The following COL25A1 variants were observed in gnomAD, a reference collection of about 807,000 sequenced individuals.
COL25A1 encodes the protein collagen type XXV alpha 1 chain.
Under a neutral mutation model 128.4 loss-of-function variants are expected in COL25A1, and 103 were observed. That is an observed-to-expected ratio of 0.80 (90% CI 0.68 to 0.94). COL25A1 has a LOEUF of 0.94. Ranked by LOEUF, COL25A1 falls within the 40% of genes least tolerant of loss-of-function variation. COL25A1 has a pLI of 0.00. For missense variants in COL25A1, 745 were observed against 840.0 expected, an observed-to-expected ratio of 0.89 and a Z score of 1.40; for synonymous variants, 279 against 277.2, an observed-to-expected ratio of 1.01 and a Z score of -0.06.
intron 3 of COL25A1, among the ~76,000 whole-genome samples, chr4:109,220,565 T>C (rs1560890232): frequency 6.6e-6 from 1 of 152,216 alleles, no homozygotes; most frequent in East Asian, 1.9e-4. Context: ...ATGATATGTT[T>C]AATATTGTAT....
intron 8 of COL25A1, among the ~76,000 whole-genome samples, chr4:108,973,012 C>T (rs1160262419): frequency 1.3e-5 from 2 of 152,136 alleles, no homozygotes; most frequent in African/African-American, 4.8e-5. Context: ...TGTGAACCAC[C>T]CTTCACTTCC....
chr4:108,903,509 C>T (rs770110512), intron 13 of COL25A1, among the ~76,000 whole-genome samples: 5 of 151,942 alleles, frequency 3.3e-5, no homozygotes, highest in Admixed American at 6.6e-5. Context: ...TTGTTGAATA[C>T]TCATGTTCTT....
intron 15 of COL25A1, among the ~76,000 whole-genome samples, chr4:108,897,071 T>C (rs11098008): frequency 0.53 from 81,110 of 151,942 alleles, 22,834 homozygotes; most frequent in East Asian, 0.93. Context: ...GCCTTACCAA[T>C]TCTGAGGCCT....
At chr4:109,092,375 C>T (rs900614564) in intron 3 of COL25A1, among the ~76,000 whole-genome samples, 1 of 152,068 alleles carries the variant, frequency 6.6e-6, no homozygotes, top group African/African-American at 2.4e-5. Flanking sequence ...GTCCCAGCTA[C>T]CTGGGAGGCT....
intron 22 of COL25A1, 66 bp from the exon 23 acceptor site, chr4:108,861,037 A>T: frequency 7.3e-7 from 1 of 1,378,648 alleles, no homozygotes. Flanking sequence ...TCGTGTAAGA[A>T]CATGTTTATG....
chr4:108,950,071 C>T (rs1021853894), intron 8 of COL25A1, among the ~76,000 whole-genome samples: 4 of 152,116 alleles, frequency 2.6e-5, no homozygotes, highest in African/African-American at 9.7e-5. Flanking sequence ...AACATTTATC[C>T]ACGCTCTTTT....
intron 3 of COL25A1, among the ~76,000 whole-genome samples, chr4:109,265,368 T>C (rs1232403603): frequency 6.6e-6 from 1 of 152,194 alleles, no homozygotes; most frequent in African/African-American, 2.4e-5. Context: ...ACAGCATTAC[T>C]TCCTCCAAAC....
At chr4:108,866,781 A>G (rs1386846967) in intron 20 of COL25A1, among the ~76,000 whole-genome samples, 1 of 152,208 alleles carries the variant, frequency 6.6e-6, no homozygotes, top group Non-Finnish European at 1.5e-5. Context: ...GATACTTAAC[A>G]TATGTGGATT....
At chr4:109,173,501 T>C (rs1773784723) in intron 3 of COL25A1, among the ~76,000 whole-genome samples, 1 of 152,210 alleles carries the variant, frequency 6.6e-6, no homozygotes, top group Non-Finnish European at 1.5e-5. Context: ...TAAAATTTTA[T>C]GGTATATAAG....
intron 3 of COL25A1, among the ~76,000 whole-genome samples, chr4:109,291,198 C>A (rs1164535333): frequency 2.0e-5 from 3 of 152,096 alleles, no homozygotes; most frequent in African/African-American, 7.2e-5. Context: ...AGTGGGCATT[C>A]ATTTCAATGC....
chr4:109,251,325 T>C (rs1026745885), intron 3 of COL25A1, among the ~76,000 whole-genome samples: 1 of 152,240 alleles, frequency 6.6e-6, no homozygotes, highest in African/African-American at 2.4e-5. Flanking sequence ...TAGCTGACTA[T>C]GTTTCTTTAC....
Position 108,940,637 on chromosome 4 carries a change from C to G in COL25A1, c.574G>C (p.Gly192Arg). 2.5e-6 allele frequency: 4 copies of G among 1,593,328 alleles called. No homozygotes were observed. The highest frequency in any genetic ancestry group is 3.4e-6 in the Non-Finnish European group (4 of 1,170,932). Residue 192 changes from glycine (G) to arginine (R), a missense_variant, in exon 10 of 38, where the codon GGA becomes CGA. By Grantham distance (125) the Gly-to-Arg change is moderately radical (BLOSUM62 -2). Transcript: ENST00000399132. Reference protein sequence around the residue: ...IKRRLIKGDQGQAGPPGPPGP... With the variant: ...IKRRLIKGDQRQAGPPGPPGP... ...GGGGGTCCTGGAGGCCCTGCCTGTC[C>G]TTGGTCACCCTGTGATGGAGAAGGG...
chr4:109,178,678 C>CA (rs1774328461), intron 3 of COL25A1, among the ~76,000 whole-genome samples: 1 of 151,200 alleles, frequency 6.6e-6, no homozygotes, highest in African/African-American at 2.4e-5. Flanking sequence ...CAAAACAAAA[C>CA]AAAAAAATTA....
At chr4:109,255,883 A>G (rs540513586) in intron 3 of COL25A1, among the ~76,000 whole-genome samples, 171 of 152,250 alleles carry the variant, frequency 1.1e-3, no homozygotes, top group African/African-American at 4.0e-3. Flanking sequence ...TTGCACCCTT[A>G]GTAAGTTAAG....
At chr4:108,881,388 T>A (rs972196804) in intron 19 of COL25A1, among the ~76,000 whole-genome samples, 3 of 152,068 alleles carry the variant, frequency 2.0e-5, no homozygotes, top group Non-Finnish European at 2.9e-5. Context: ...ACTGGTTTCC[T>A]CAAAGTCTTG....
chr4:109,109,292 G>A lies in COL25A1; in HGVS notation c.368-59113C>T, dbSNP rs114388900. Reference sequence around the variant, plus strand: ...TGGTACAACTGTCTACCCAGAAATCGGAATTTCTCCTTGACTTCTGTGTCA... The same window carrying A: ...TGGTACAACTGTCTACCCAGAAATCAGAATTTCTCCTTGACTTCTGTGTCA... On this transcript the variant is annotated intron_variant, in intron 3 of 37. Coordinates refer to ENST00000399132, the MANE Select transcript of COL25A1 (RefSeq NM_198721.4). Among the ~76,000 whole-genome samples, 718 of 152,240 alleles carry A rather than the reference G, an allele frequency of 4.7e-3. 5 individuals carry two copies. Among genetic ancestry groups the A allele is most frequent in the Non-Finnish European group, 7.7e-3 (523 of 68,016 alleles).
chr4:109,069,171 CA>C (rs911083852), intron 3 of COL25A1, among the ~76,000 whole-genome samples: 1 of 144,734 alleles, frequency 6.9e-6, no homozygotes, highest in African/African-American at 2.5e-5. Context: ...GCAGACTTGC[CA>C]AAAAAAAGGC....
intron 19 of COL25A1, among the ~76,000 whole-genome samples, chr4:108,874,663 T>C (rs1739216029): frequency 6.6e-6 from 1 of 152,132 alleles, no homozygotes; most frequent in African/African-American, 2.4e-5. Flanking sequence ...ACCATTGAAG[T>C]AAAAACAATA....
chr4:108,845,276 T>A, intron 28 of COL25A1, 25 bp from the exon 29 acceptor site: 8 of 1,589,160 alleles, frequency 5.0e-6, no homozygotes, highest in Non-Finnish European at 6.9e-6. Context: ...TAAGCAGAGT[T>A]AAGCAGGTAA....
Sources: allele counts gnomAD v4.1 joint callset (sites outside exome capture counted in the v4.1 genomes callset), GRCh38; gene constraint gnomAD v4.1.1; transcripts MANE v1.5; gene names NCBI Gene and HGNC (gene_info 2026-07-23, HGNC 2026-07-21).